SLC24A2: variants seen among roughly 807,000 people sequenced by gnomAD.
The protein encoded by SLC24A2 is sodium/potassium/calcium exchanger 2.
Under a neutral mutation model 62.0 loss-of-function variants are expected in SLC24A2, and 36 were observed. That is an observed-to-expected ratio of 0.58 (90% confidence interval 0.44 to 0.77). SLC24A2 has a LOEUF of 0.77. SLC24A2 is among the 30% of genes least tolerant of loss of function. SLC24A2 has a pLI of 0.00. For synonymous variants in SLC24A2, 358 were observed against 294.0 expected (o/e 1.22, Z -2.23); for missense variants, 846 against 817.9 (o/e 1.03, Z -0.42).
the SLC24A2 span, among the ~76,000 whole-genome samples, chr9:19,892,810 G>A: frequency 6.6e-6 from 1 of 152,194 alleles, no homozygotes; most frequent in South Asian, 2.1e-4. Context: ...CACACAGATG[G>A]TAAGTGGCAC....
the SLC24A2 span, among the ~76,000 whole-genome samples, chr9:19,848,101 C>T: frequency 6.6e-6 from 1 of 152,190 alleles, no homozygotes; most frequent in African/African-American, 2.4e-5. Context: ...ATTATTTTAA[C>T]TATTCTGAAC....
chr9:19,723,742 T>G (rs925372304), intron 2 of SLC24A2, among the ~76,000 whole-genome samples: 1 of 151,994 alleles, frequency 6.6e-6, no homozygotes, highest in Non-Finnish European at 1.5e-5. Flanking sequence ...TAATTAATAA[T>G]AGAAGTCCAG....
At chr9:20,099,851 GC>G in the SLC24A2 span, among the ~76,000 whole-genome samples, 1 of 151,746 alleles carries the variant, frequency 6.6e-6, no homozygotes, top group Admixed American at 6.6e-5. Context: ...TTTTTCTCCA[GC>G]CCCCTTCTAC....
intron 2 of SLC24A2, among the ~76,000 whole-genome samples, chr9:19,650,728 AC>A (rs1818776213): frequency 6.6e-6 from 1 of 152,132 alleles, no homozygotes; most frequent in Non-Finnish European, 1.5e-5. Flanking sequence ...ACGCGCACAC[AC>A]ACACACACAA....
chr9:19,995,655 A>G, the SLC24A2 span, among the ~76,000 whole-genome samples: 1 of 152,232 alleles, frequency 6.6e-6, no homozygotes, highest in African/African-American at 2.4e-5. Flanking sequence ...TCTTTACAGA[A>G]ATATTATTCT....
chr9:19,708,395 G>C (rs1419280829), intron 2 of SLC24A2, among the ~76,000 whole-genome samples: 1 of 151,968 alleles, frequency 6.6e-6, no homozygotes, highest in Admixed American at 6.6e-5. Context: ...CACAGAATTG[G>C]AAAAAACTAC....
At chr9:19,701,846 C>G (rs1820364793) in intron 2 of SLC24A2, among the ~76,000 whole-genome samples, 1 of 152,154 alleles carries the variant, frequency 6.6e-6, no homozygotes, top group Non-Finnish European at 1.5e-5. Context: ...TGAATCCTGC[C>G]ATTTGATCTA....
intron 2 of SLC24A2, among the ~76,000 whole-genome samples, chr9:19,766,612 T>C (rs905643630): frequency 1.3e-5 from 2 of 152,222 alleles, no homozygotes; most frequent in African/African-American, 4.8e-5. Flanking sequence ...CCTGTTTGCC[T>C]GCACCAGCAG....
intron 2 of SLC24A2, among the ~76,000 whole-genome samples, chr9:19,690,889 C>A (rs1189677704): frequency 2.0e-5 from 3 of 150,902 alleles, no homozygotes; most frequent in Non-Finnish European, 4.4e-5. Flanking sequence ...ACAGCCACCA[C>A]TAAGGGAGGC....
chr9:20,063,641 A>T, the SLC24A2 span, among the ~76,000 whole-genome samples: 1 of 152,200 alleles, frequency 6.6e-6, no homozygotes, highest in Non-Finnish European at 1.5e-5. Context: ...TTAAAGTATA[A>T]TAATAAAAAA....
intron 2 of SLC24A2, among the ~76,000 whole-genome samples, chr9:19,758,188 A>G (rs1188229562): frequency 2.0e-5 from 3 of 152,196 alleles, no homozygotes; most frequent in African/African-American, 4.8e-5. Flanking sequence ...ATTTTTATAT[A>G]AAACAGGAAA....
chr9:19,568,692 CTG>C (rs964094811), intron 7 of SLC24A2, among the ~76,000 whole-genome samples: 3 of 152,302 alleles, frequency 2.0e-5, no homozygotes, highest in African/African-American at 7.2e-5. Flanking sequence ...TCCTCAGAGT[CTG>C]TGTGATAGTG....
chr9:20,096,379 C>G, the SLC24A2 span, among the ~76,000 whole-genome samples: 1 of 152,102 alleles, frequency 6.6e-6, no homozygotes, highest in African/African-American at 2.4e-5. Context: ...GATTTAGTCT[C>G]CTATAGGGAC....
the SLC24A2 span, among the ~76,000 whole-genome samples, chr9:20,072,588 G>A: frequency 6.6e-6 from 1 of 151,832 alleles, no homozygotes; most frequent in Non-Finnish European, 1.5e-5. Context: ...AGACTTTGCA[G>A]ATATGATTAA....
At chr9:19,631,784 G>C (rs1051212726) in intron 2 of SLC24A2, among the ~76,000 whole-genome samples, 2 of 152,130 alleles carry the variant, frequency 1.3e-5, no homozygotes, top group African/African-American at 4.8e-5. Context: ...ATACAGAGTG[G>C]CATCATTAAA....
the SLC24A2 span, among the ~76,000 whole-genome samples, chr9:19,907,483 C>G: frequency 6.6e-6 from 1 of 152,124 alleles, no homozygotes; most frequent in African/African-American, 2.4e-5. Flanking sequence ...CCAGGGCAAT[C>G]AGGCAGGAGA....
the SLC24A2 span, among the ~76,000 whole-genome samples, chr9:19,961,717 A>G: frequency 5.3e-4 from 80 of 152,268 alleles, no homozygotes; most frequent in African/African-American, 1.9e-3. Flanking sequence ...TGTATGACTT[A>G]GAGACTATGT....
the SLC24A2 span, among the ~76,000 whole-genome samples, chr9:19,890,069 T>A: frequency 6.6e-6 from 1 of 152,166 alleles, no homozygotes; most frequent in Non-Finnish European, 1.5e-5. Context: ...ATATAACCTC[T>A]CCATTACAAA....
the SLC24A2 span, among the ~76,000 whole-genome samples, chr9:20,304,562 CAA>C: frequency 6.6e-6 from 1 of 152,032 alleles, no homozygotes; most frequent in African/African-American, 2.4e-5. Flanking sequence ...CAGAAAGGTA[CAA>C]AGTTAAAGGT....
Sources: gnomAD v4.1 joint callset for allele counts (sites outside exome capture counted in the v4.1 genomes callset) on GRCh38, gnomAD v4.1.1 for gene constraint, MANE v1.5 for transcripts, NCBI Gene and HGNC (gene_info 2026-07-23, HGNC 2026-07-21) for gene names.